The following ST8SIA5 variants were observed in gnomAD, a reference collection of about 807,000 sequenced individuals.
ST8SIA5 encodes ST8 alpha-N-acetyl-neuraminide alpha-2,8-sialyltransferase 5.
ST8SIA5 carries 24 observed loss-of-function variants against 40.2 expected under a neutral mutation model. That is an observed-to-expected ratio of 0.60 (90% confidence interval 0.43 to 0.84). ST8SIA5 has a LOEUF of 0.84. Ranked by LOEUF, ST8SIA5 falls within the 40% of genes least tolerant of loss-of-function variation. ST8SIA5 has a pLI of 0.00. For missense variants in ST8SIA5, 465 were observed against 498.5 expected (o/e 0.93, Z 0.64); for synonymous variants, 198 against 201.8 (o/e 0.98, Z 0.16).
At chr18:46,749,688 G>T (rs542833737) in intron 1 of ST8SIA5, among the ~76,000 whole-genome samples, 1 of 152,110 alleles carries the variant, frequency 6.6e-6, no homozygotes, top group Non-Finnish European at 1.5e-5. Context: ...TAATTTGTAC[G>T]ATAATAAACA....
chr18:46,673,623 C>CAGGG lies in ST8SIA5; in HGVS notation c.*6415_*6418dup, dbSNP rs1430009491. On this transcript the variant is annotated 3_prime_UTR_variant, in exon 7 of 7. Transcript: ENST00000315087. ...TGCAGGCCATCAGAAGGCCATCCTA[C>CAGGG]AGGGCATCCTAATAAACCCATGTGA... 1 of 152,116 alleles carries CAGGG rather than the reference C, an allele frequency of 6.6e-6. No individual in the cohort carries two copies. The highest frequency in any genetic ancestry group is 2.4e-5 in the African/African-American group (1 of 41,440). The allele number at this position is 152,116 out of a possible 1,614,324, so 9.4% of individuals were successfully genotyped here. A position where few individuals can be genotyped will look rare whatever the true frequency, so the allele number is the denominator to read the frequency against.
At chr18:46,747,510 A>T (rs2040152157) in intron 1 of ST8SIA5, among the ~76,000 whole-genome samples, 1 of 152,234 alleles carries the variant, frequency 6.6e-6, no homozygotes, top group Admixed American at 6.5e-5. Flanking sequence ...CCAGATCAAA[A>T]CCACAATGAG....
chr18:46,668,073 A>G lies in ST8SIA5; in HGVS notation c.*11969T>C, dbSNP rs1317368969. ...CCCCATGTCCCCAAACTGTCTTTGA[A>G]TGGCACAGCCTTTCTCTCCAGGGCC... On this transcript the variant is annotated 3_prime_UTR_variant, in exon 7 of 7. Coordinates refer to ENST00000315087, the MANE Select transcript of ST8SIA5 (RefSeq NM_013305.6). The G allele has an allele frequency of 6.6e-6, 1 of 152,280 alleles. No homozygotes were observed. Among genetic ancestry groups the G allele is most frequent in the African/African-American group, 2.4e-5 (1 of 41,452 alleles). The allele number at this position is 152,280 out of a possible 1,614,324, so 9.4% of individuals were successfully genotyped here.
chr18:46,703,862 G>C (rs1428374735), intron 2 of ST8SIA5, among the ~76,000 whole-genome samples: 1 of 152,220 alleles, frequency 6.6e-6, no homozygotes, highest in Non-Finnish European at 1.5e-5. Context: ...CGGAAACCCA[G>C]GTGGGCACAT....
intron 1 of ST8SIA5, among the ~76,000 whole-genome samples, chr18:46,742,592 A>G (rs572986930): frequency 6.6e-6 from 1 of 152,370 alleles, no homozygotes; most frequent in East Asian, 1.9e-4. Context: ...AAAAAGTAAA[A>G]TAATCCACTT....
intron 1 of ST8SIA5, among the ~76,000 whole-genome samples, chr18:46,707,531 C>T (rs1029974763): frequency 2.0e-5 from 3 of 152,178 alleles, no homozygotes; most frequent in African/African-American, 7.2e-5. Flanking sequence ...CTCATATACC[C>T]AACTAGGCAG....
chr18:46,745,664 C>T (rs1431706270), intron 1 of ST8SIA5, among the ~76,000 whole-genome samples: 21 of 152,210 alleles, frequency 1.4e-4, no homozygotes, highest in Non-Finnish European at 2.5e-4. Context: ...ACCATTCCTT[C>T]TGAAACTATT....
intron 1 of ST8SIA5, among the ~76,000 whole-genome samples, chr18:46,714,144 C>T (rs1010791111): frequency 1.3e-5 from 2 of 152,052 alleles, no homozygotes; most frequent in African/African-American, 4.8e-5. Context: ...TCTTTGGGAG[C>T]TTCATGACCT....
At chr18:46,739,743 T>G (rs1248157756) in intron 1 of ST8SIA5, among the ~76,000 whole-genome samples, 6 of 152,146 alleles carry the variant, frequency 3.9e-5, no homozygotes, top group African/African-American at 1.4e-4. Context: ...GAAGGACTTC[T>G]CCCCACCTGT....
chr18:46,706,770 G>A (rs1396492443), intron 1 of ST8SIA5, among the ~76,000 whole-genome samples: 1 of 152,202 alleles, frequency 6.6e-6, no homozygotes, highest in Non-Finnish European at 1.5e-5. Flanking sequence ...TGTTATAGGG[G>A]AAGAATGGCA....
rs1282840178 is a variant in ST8SIA5 at position 46,672,490 on chromosome 18, G to C, written c.*7552C>G. 1 of 152,180 alleles carries C rather than the reference G, an allele frequency of 6.6e-6. No individual in the cohort carries two copies. The highest frequency in any genetic ancestry group is 1.5e-5 in the Non-Finnish European group (1 of 68,046). 9.4% of individuals were successfully genotyped at this position (152,180 alleles called of 1,614,324 possible). ...AGCTGAGCAGATCATTTAGTTGAAG[G>C]AAATGAGAGATTTGTTGCCATGGGA... On this transcript the variant is annotated 3_prime_UTR_variant, in exon 7 of 7. Transcript: ENST00000315087.
chr18:46,756,478 C>A lies in ST8SIA5; in HGVS notation c.31G>T (p.Asp11Tyr). Reference sequence around the variant, plus strand: ...AGCAAAGTTCGGCTCCCCAACAAATCCCGGTTGGCCGAGGGGTCCGCGTAG... The same window carrying A: ...AGCAAAGTTCGGCTCCCCAACAAATACCGGTTGGCCGAGGGGTCCGCGTAG... MRYADPSANR[D>Y]LLGSRTLLFI... is the part of the protein sequence containing the mutation. Residue 11 changes from aspartate (D) to tyrosine (Y), a missense_variant, in exon 1 of 7, where the codon GAT (aspartate) becomes TAT (tyrosine). Asp to Tyr is a radical substitution (Grantham distance 160). Transcript: ENST00000315087. 1 of 1,613,110 alleles carries A rather than the reference C, an allele frequency of 6.2e-7. No homozygotes were observed. Among genetic ancestry groups the A allele is most frequent in the Non-Finnish European group, 8.5e-7 (1 of 1,179,280 alleles).
intron 4 of ST8SIA5, among the ~76,000 whole-genome samples, 186 bp downstream of exon 4, chr18:46,688,589 C>T (rs1475016122): frequency 6.6e-6 from 1 of 152,228 alleles, no homozygotes; most frequent in Non-Finnish European, 1.5e-5. Flanking sequence ...GGTTCTCAGA[C>T]AGAACCCCCA....
chr18:46,705,239 G>T (rs1334847210), intron 1 of ST8SIA5, among the ~76,000 whole-genome samples: 1 of 152,128 alleles, frequency 6.6e-6, no homozygotes, highest in African/African-American at 2.4e-5. Context: ...GCAGGACCAG[G>T]GCTTGGTCTA....
At chr18:46,734,049 T>C (rs568352466) in intron 1 of ST8SIA5, among the ~76,000 whole-genome samples, 1 of 151,992 alleles carries the variant, frequency 6.6e-6, no homozygotes, top group African/African-American at 2.4e-5. Flanking sequence ...CATCCCCAGG[T>C]CCAGGTAAGG....
chr18:46,687,809 A>T lies in ST8SIA5; in HGVS notation c.456+966T>A, dbSNP rs1258133343. Reference sequence around the variant, plus strand: ...AAGACCTCTACATGCCCCCACTCAGAATTTCTATAAACTACATTCACTGAA... The same window carrying T: ...AAGACCTCTACATGCCCCCACTCAGTATTTCTATAAACTACATTCACTGAA... On this transcript the variant is annotated intron_variant, in intron 4 of 6. Transcript: ENST00000315087. 3.3e-5 allele frequency among the ~76,000 whole-genome samples: 5 copies of T among 152,168 alleles called. No homozygotes were observed. The East Asian group carries it at 9.6e-4, about 29-fold the overall frequency.
chr18:46,732,273 A>C (rs1186506733), intron 1 of ST8SIA5, among the ~76,000 whole-genome samples: 1 of 152,210 alleles, frequency 6.6e-6, no homozygotes, highest in African/African-American at 2.4e-5. Flanking sequence ...ACAGCTGAGG[A>C]AACAGGCATA....
chr18:46,699,279 A>G (rs764412255), intron 2 of ST8SIA5, among the ~76,000 whole-genome samples: 1 of 152,194 alleles, frequency 6.6e-6, no homozygotes, highest in Non-Finnish European at 1.5e-5. Context: ...TAGACAGACT[A>G]AAAATATTAA....
At chr18:46,754,599 C>T (rs1277064685) in intron 1 of ST8SIA5, among the ~76,000 whole-genome samples, 2 of 152,170 alleles carry the variant, frequency 1.3e-5, no homozygotes, top group African/African-American at 4.8e-5. Context: ...TGCAAGATAG[C>T]ATCTATGCGA....
Sources: allele counts gnomAD v4.1 joint callset (sites outside exome capture counted in the v4.1 genomes callset), GRCh38; gene constraint gnomAD v4.1.1; transcripts MANE v1.5; gene names NCBI Gene and HGNC (gene_info 2026-07-23, HGNC 2026-07-21).